The following PCNX2 variants were observed in gnomAD, a reference collection of about 807,000 sequenced individuals.
PCNX2 encodes the protein pecanex 2.
In PCNX2, 168 loss-of-function variants were observed where a neutral mutation model predicts 223.8. The ratio of observed to expected loss-of-function variants is 0.75; its 90% CI spans 0.66 to 0.85. PCNX2 has a LOEUF of 0.85. Among genes scored for constraint, PCNX2 ranks in the 40% least tolerant of loss-of-function variants. The pLI is 0.00. For synonymous variants in PCNX2, 1,006 were observed against 1,052.6 expected, an observed-to-expected ratio of 0.96 and a Z score of 0.86; for missense variants, 2,507 against 2,675.5, an observed-to-expected ratio of 0.94 and a Z score of 1.39.
At chr1:233,311,902 C>A in the PCNX2 span, among the ~76,000 whole-genome samples, 2 of 152,052 alleles carry the variant, frequency 1.3e-5, no homozygotes, top group Non-Finnish European at 2.9e-5. Flanking sequence ...GGCAGATCAC[C>A]TGAGGCCTGA....
At chr1:233,115,463 C>T (rs1381996885) in intron 21 of PCNX2, among the ~76,000 whole-genome samples, 1 of 152,174 alleles carries the variant, frequency 6.6e-6, no homozygotes, top group Admixed American at 6.5e-5. Context: ...AGACCCACAG[C>T]TAAAGGCTAA....
intron 25 of PCNX2, among the ~76,000 whole-genome samples, chr1:233,041,701 G>C (rs561506946): frequency 6.6e-6 from 1 of 152,218 alleles, no homozygotes; most frequent in Non-Finnish European, 1.5e-5. Flanking sequence ...GTATTCTGGT[G>C]ATGACACTGA....
intron 1 of PCNX2, chr1:233,288,804 C>CTT (rs10558976): frequency 1.7e-3 from 738 of 433,042 alleles, no homozygotes; most frequent in African/African-American, 5.2e-3. Flanking sequence ...GAAAGATGCC[C>CTT]TTTTTTTTTT....
At chr1:233,158,768 A>G (rs1329374914) in intron 19 of PCNX2, among the ~76,000 whole-genome samples, 1 of 152,190 alleles carries the variant, frequency 6.6e-6, no homozygotes, top group Non-Finnish European at 1.5e-5. Flanking sequence ...AAAATAACAA[A>G]CCCCAAAACA....
intron 23 of PCNX2, among the ~76,000 whole-genome samples, chr1:233,087,560 A>T (rs2102934105): frequency 6.6e-6 from 1 of 152,346 alleles, no homozygotes; most frequent in South Asian, 2.1e-4. Context: ...ACTAAAAAAA[A>T]GTTTTAAATA....
chr1:233,293,333 G>C (rs1661878441), intron 1 of PCNX2, among the ~76,000 whole-genome samples: 1 of 152,176 alleles, frequency 6.6e-6, no homozygotes, highest in African/African-American at 2.4e-5. Context: ...AGTTGGAAAA[G>C]AAAGAGACAC....
chr1:233,172,331 G>A, intron 17 of PCNX2: 2 of 980,826 alleles, frequency 2.0e-6, no homozygotes, highest in Non-Finnish European at 1.2e-6. Context: ...TTTCTGCCAT[G>A]AGGCGTTTCC....
At chr1:233,023,645 G>A (rs1334957144) in intron 26 of PCNX2, among the ~76,000 whole-genome samples, 3 of 152,214 alleles carry the variant, frequency 2.0e-5, no homozygotes, top group Admixed American at 2.0e-4. Flanking sequence ...AGAAAGAGAA[G>A]ATAGGCATAA....
intron 9 of PCNX2, among the ~76,000 whole-genome samples, chr1:233,235,975 T>A (rs1262740967): frequency 7.0e-6 from 1 of 143,668 alleles, no homozygotes; most frequent in African/African-American, 2.5e-5. Context: ...TATATATATA[T>A]ATATATATAT....
intron 17 of PCNX2, among the ~76,000 whole-genome samples, chr1:233,175,166 G>A (rs905613515): frequency 6.6e-6 from 1 of 152,092 alleles, no homozygotes; most frequent in Non-Finnish European, 1.5e-5. Flanking sequence ...ACAATGGGAG[G>A]GGGGTTTATG....
chr1:233,178,964 A>G, intron 16 of PCNX2, 102 bp downstream of exon 16: 1 of 969,910 alleles, frequency 1.0e-6, no homozygotes, highest in Non-Finnish European at 1.5e-6. Flanking sequence ...TCAAATCACA[A>G]TGGGCAGTGA....
chr1:233,251,562 C>T (rs972350688), intron 7 of PCNX2, among the ~76,000 whole-genome samples: 16 of 152,224 alleles, frequency 1.1e-4, no homozygotes, highest in Non-Finnish European at 2.2e-4. Flanking sequence ...CCAAGAGAAA[C>T]TGTAATGACA....
intron 19 of PCNX2, among the ~76,000 whole-genome samples, chr1:233,149,171 T>A (rs1227849420): frequency 6.6e-6 from 1 of 152,254 alleles, no homozygotes; most frequent in African/African-American, 2.4e-5. Context: ...TTCTCTGGAA[T>A]ATTAGGTCCT....
At chr1:233,136,219 A>G (rs562721015) in intron 20 of PCNX2, among the ~76,000 whole-genome samples, 1 of 152,262 alleles carries the variant, frequency 6.6e-6, no homozygotes, top group South Asian at 2.1e-4. Context: ...GAGGTGGGAA[A>G]ATTTCTAGAA....
In PCNX2 at chr1:233,000,313, C is replaced by A. The variant is rs754010908; in HGVS notation, c.5320G>T (p.Val1774Leu). 1.2e-6 allele frequency: 2 copies of A among 1,613,990 alleles called. No individual in the cohort carries two copies. Among genetic ancestry groups the A allele is most frequent in the East Asian group, 2.2e-5 (1 of 44,886 alleles). Residue 1774 changes from valine (V) to leucine (L), a missense_variant, in exon 30 of 34, where the codon GTG (valine) becomes TTG (leucine). Around this residue, in one of 3 missense-constraint regions of PCNX2, gnomAD observed 1,372 missense variants for 1,509.4 expected, o/e 0.91. Coordinates refer to ENST00000258229, the MANE Select transcript of PCNX2 (RefSeq NM_014801.4). This position sits in a 1 kb window ranked among gnomAD's most constrained non-coding sequence, Gnocchi z 4.6. ...MLHRSFLSFK[V>L]IKVNKECVRG... ...AAGTGTGGCCGCCATACCTTGATCA[C>A]CTTGAAGCTCAGGAAGCTTCTGTGG...
chr1:233,113,592 G>A (rs960572877), intron 21 of PCNX2, among the ~76,000 whole-genome samples: 3 of 152,208 alleles, frequency 2.0e-5, no homozygotes, highest in African/African-American at 7.2e-5. Flanking sequence ...GTAAGATGTT[G>A]TGTAAGGTAG....
chr1:233,207,339 C>T (rs1572077801), intron 13 of PCNX2, among the ~76,000 whole-genome samples: 1 of 152,164 alleles, frequency 6.6e-6, no homozygotes, highest in Non-Finnish European at 1.5e-5. Flanking sequence ...CTTTGACAGT[C>T]TCTTGAGTAA....
chr1:233,225,792 T>C (rs2102943395), intron 10 of PCNX2, among the ~76,000 whole-genome samples: 1 of 152,350 alleles, frequency 6.6e-6, no homozygotes, highest in East Asian at 1.9e-4. Context: ...AAATAATTAA[T>C]ATTTCAAAAA....
chr1:233,079,857 G>C (rs1033490588), intron 23 of PCNX2, among the ~76,000 whole-genome samples: 1 of 152,130 alleles, frequency 6.6e-6, no homozygotes, highest in East Asian at 1.9e-4. Context: ...AAGTCCACTG[G>C]GAAGGAAGGA....
Sources: gnomAD v4.1 joint callset for allele counts (sites outside exome capture counted in the v4.1 genomes callset) on GRCh38, gnomAD v4.1.1 for gene constraint, gnomAD v4.1.1 regional missense constraint, Gnocchi (gnomAD v3.1) non-coding constraint, MANE v1.5 for transcripts, NCBI Gene and HGNC (gene_info 2026-07-23, HGNC 2026-07-21) for gene names.